Variants in SH2D6 observed in about 807,000 individuals in gnomAD.
SH2D6 encodes SH2 domain-containing protein 6.
A neutral mutation model predicts 30.2 loss-of-function variants in SH2D6; 31 were observed. That is an observed-to-expected ratio of 1.03 (90% confidence interval 0.77 to 1.38). SH2D6 has a LOEUF of 1.38. Among genes scored for constraint, SH2D6 ranks in the 40% most tolerant of loss-of-function variants. SH2D6 has a pLI of 0.00. For missense variants in SH2D6, 240 were observed against 266.8 expected, an observed-to-expected ratio of 0.90 and a Z score of 0.70; for synonymous variants, 93 against 104.6, an observed-to-expected ratio of 0.89 and a Z score of 0.68.
At chr2:85,423,198 T>TTTG (rs1553429557) in intron 5 of SH2D6, among the ~76,000 whole-genome samples, 1 of 151,994 alleles carries the variant, frequency 6.6e-6, no homozygotes, top group African/African-American at 2.4e-5. Context: ...TGTTTTTTTT[T>TTTG]TTGTTGTTGT....
chr2:85,432,045 T>G (rs935904410), intron 14 of SH2D6, 86 bp downstream of exon 14: 1 of 152,640 alleles, frequency 6.6e-6, no homozygotes, highest in African/African-American at 2.4e-5. Context: ...TTGCCTGACA[T>G]GGGTCTCATA....
intron 6 of SH2D6, among the ~76,000 whole-genome samples, chr2:85,426,013 G>A (rs1193812195): frequency 6.6e-6 from 1 of 152,184 alleles, no homozygotes; most frequent in Non-Finnish European, 1.5e-5. Flanking sequence ...CAAATGTAAA[G>A]CATGTTTAGC....
At chr2:85,429,538 C>CG (rs942422726) in intron 8 of SH2D6, 49 bp from the exon 9 acceptor site, 10 of 152,602 alleles carry the variant, frequency 6.6e-5, no homozygotes, top group African/African-American at 1.9e-4. Context: ...GACTCGGCCA[C>CG]GGGGGTGGTT....
At chr2:85,423,958 C>T (rs1558745981) in intron 5 of SH2D6, among the ~76,000 whole-genome samples, 1 of 152,214 alleles carries the variant, frequency 6.6e-6, no homozygotes, top group Non-Finnish European at 1.5e-5. Flanking sequence ...CCTGCTCTGG[C>T]AAAAATGTCC....
At chr2:85,436,813 T>C (rs916098801) in intron 23 of SH2D6, 24 bp from the exon 24 acceptor site, 1 of 504,032 alleles carries the variant, frequency 2.0e-6, no homozygotes, top group Admixed American at 3.4e-5. Context: ...TCTCCAAGGC[T>C]GACACCCTCT....
At chr2:85,432,934 C>G (rs1332710425) in intron 14 of SH2D6, 165 bp from the exon 15 acceptor site, 2 of 352,186 alleles carry the variant, frequency 5.7e-6, no homozygotes, top group East Asian at 3.3e-4. Flanking sequence ...GTGCAGAGAA[C>G]CATCAGGGGA....
At chr2:85,434,938 G>C in intron 19 of SH2D6, 127 bp from the exon 20 acceptor site, 2 of 1,600,656 alleles carry the variant, frequency 1.2e-6, no homozygotes, top group Non-Finnish European at 1.7e-6. Context: ...CTGGGTGCCG[G>C]GGTTTGGGCT....
At chr2:85,426,994 T>C (rs189991908) in intron 6 of SH2D6, among the ~76,000 whole-genome samples, 10 of 152,330 alleles carry the variant, frequency 6.6e-5, no homozygotes, top group South Asian at 2.1e-4. Context: ...CACTGGGTGG[T>C]GGGGAGAACT....
intron 19 of SH2D6, 114 bp from the exon 20 acceptor site, chr2:85,434,951 G>T: frequency 6.3e-7 from 1 of 1,599,374 alleles, no homozygotes; most frequent in Non-Finnish European, 8.5e-7. Context: ...TTTGGGCTCG[G>T]GGCCATGTAC....
intron 2 of SH2D6, among the ~76,000 whole-genome samples, chr2:85,420,201 C>T (rs1227102685): frequency 6.6e-6 from 1 of 152,120 alleles, no homozygotes; most frequent in African/African-American, 2.4e-5. Flanking sequence ...GCCTCCCGGG[C>T]TTAAGCGGTT....
rs565441799 is a variant in SH2D6 at position 85,433,762 on chromosome 2, T to C, written c.454+131T>C. 8.3e-6 allele frequency: 6 copies of C among 721,580 alleles called. No homozygotes were observed. In the African/African-American group the frequency reaches 8.9e-5, roughly 11 times the overall value. 44.7% of individuals were successfully genotyped at this position (721,580 alleles called of 1,614,324 possible). Reference sequence around the variant, plus strand: ...ACCCCCCACCAACACGCATTTGCCTTCAGTCACCGCATGGACATCACACTC... The same window carrying C: ...ACCCCCCACCAACACGCATTTGCCTCCAGTCACCGCATGGACATCACACTC... On this transcript the variant is annotated intron_variant, in intron 16 of 23. Transcript: ENST00000469800.
At chr2:85,422,375 C>T (rs1202890507) in intron 3 of SH2D6, 55 bp from the exon 4 acceptor site, 1 of 152,108 alleles carries the variant, frequency 6.6e-6, no homozygotes, top group African/African-American at 2.4e-5. Flanking sequence ...CTCTCTTTGT[C>T]ATATTCTGTA....
chr2:85,427,991 C>T (rs1014850955), intron 6 of SH2D6, among the ~76,000 whole-genome samples: 7 of 152,100 alleles, frequency 4.6e-5, no homozygotes, highest in Admixed American at 6.6e-5. Context: ...AGGATGCCAC[C>T]GAAATAATAA....
rs1688524746 is a variant in SH2D6, at chr2:85,430,824, G to A, written c.250+172G>A. Reference sequence around the variant, plus strand: ...CCTCTTGGCTGGGCAGGGAGAGAGAGAGGGATGAAGGAACGGAGGGAGGGA... The same window carrying A: ...CCTCTTGGCTGGGCAGGGAGAGAGAAAGGGATGAAGGAACGGAGGGAGGGA... On this transcript the variant is annotated intron_variant, in intron 12 of 23. Transcript: ENST00000469800. The surrounding 1 kb of genome is among the most constrained non-coding windows in gnomAD (Gnocchi z 4.3). 6.7e-6 allele frequency among the ~76,000 whole-genome samples: 1 copy of A among 148,544 alleles called. No individual in the cohort carries two copies. Among genetic ancestry groups the A allele is most frequent in the Non-Finnish European group, 1.5e-5 (1 of 66,980 alleles).
intron 17 of SH2D6, 43 bp from the exon 18 acceptor site, chr2:85,434,297 A>G (rs1318843177): frequency 6.6e-7 from 1 of 1,525,276 alleles, no homozygotes; most frequent in Admixed American, 2.1e-5. Context: ...CTCTTGAAAA[A>G]CATAAAGACC....
At chr2:85,432,943 G>T (rs1164377101) in intron 14 of SH2D6, 156 bp from the exon 15 acceptor site, 2 of 425,542 alleles carry the variant, frequency 4.7e-6, no homozygotes, top group African/African-American at 4.3e-5. Context: ...ACCATCAGGG[G>T]ATGAGAAAAG....
intron 6 of SH2D6, among the ~76,000 whole-genome samples, chr2:85,428,138 T>A (rs181906257): frequency 2.6e-5 from 4 of 152,304 alleles, no homozygotes; most frequent in Admixed American, 2.6e-4. Context: ...TCGCCACGCT[T>A]CTCAGAAAGT....
chr2:85,432,015 G>A (rs56056524), intron 14 of SH2D6, 56 bp downstream of exon 14: 5,237 of 152,736 alleles, frequency 0.034, 110 homozygotes, highest in East Asian at 0.062. Context: ...GAGTACTCCC[G>A]CCACGGGGTA....
At chr2:85,424,989 C>G (rs188546688) in intron 5 of SH2D6, among the ~76,000 whole-genome samples, 240 of 151,104 alleles carry the variant, frequency 1.6e-3, no homozygotes, top group Non-Finnish European at 2.9e-3. Context: ...TCGCTTGAAC[C>G]TGGGAGGCAG....
Sources: gnomAD v4.1 joint callset for allele counts (sites outside exome capture counted in the v4.1 genomes callset) on GRCh38, gnomAD v4.1.1 for gene constraint, Gnocchi (gnomAD v3.1) non-coding constraint, MANE v1.5 for transcripts, NCBI Gene and HGNC (gene_info 2026-07-23, HGNC 2026-07-21) for gene names.